Variants in NKAPD1 observed in about 807,000 individuals in gnomAD.
NKAPD1 encodes uncharacterized protein NKAPD1.
In NKAPD1, 12 loss-of-function variants were observed where a neutral mutation model predicts 30.9. That is an observed-to-expected ratio of 0.39 (90% CI 0.25 to 0.63). NKAPD1 has a LOEUF of 0.63. Ranked by LOEUF, NKAPD1 falls within the 20% of genes least tolerant of loss-of-function variation. The pLI is 0.51. For missense variants in NKAPD1, 311 were observed against 344.5 expected, an observed-to-expected ratio of 0.90 and a Z score of 0.77; for synonymous variants, 91 against 113.6, an observed-to-expected ratio of 0.80 and a Z score of 1.26.
rs1865538185 is a variant in NKAPD1, at chr11:112,084,669, TTAAGCA to T, written c.*1698_*1703del. 6.6e-6 allele frequency: 1 copy of T among 152,636 alleles called. No homozygotes were observed. The highest frequency in any genetic ancestry group is 1.5e-5 in the Non-Finnish European group (1 of 68,048). The allele number at this position is 152,636 out of a possible 1,614,324, so 9.5% of individuals were successfully genotyped here. A position where few individuals can be genotyped will look rare whatever the true frequency, so the allele number is the denominator to read the frequency against. ...GTGCCCTGAAAGTACCTGAAAGGTT[TTAAGCA>T]CAGACTCAGGAAAATGTGCCAGTAG... On this transcript the variant is annotated 3_prime_UTR_variant, in exon 6 of 6. Transcript: ENST00000393047.
Position 112,078,294 on chromosome 11 carries a change from A to C in NKAPD1, c.149A>C (p.Lys50Thr). 1 of 1,612,322 alleles carries C rather than the reference A, an allele frequency of 6.2e-7. No individual in the cohort carries two copies. The change falls in exon 3 of 6, where the codon AAA becomes ACA. Residue 50 changes from lysine to threonine, a missense_variant. Coordinates refer to ENST00000393047, the MANE Select transcript of NKAPD1 (RefSeq NM_018195.4). ...MEDAYRGTKR[K>T]MLPSSSSRMR... ...GATGCTTACCGGGGGACCAAAAGGA[A>C]AATGCTACCCAGCAGTTCAAGGTGA...
chr11:112,079,965 A>G (rs1865410692), intron 3 of NKAPD1, among the ~76,000 whole-genome samples: 1 of 152,022 alleles, frequency 6.6e-6, no homozygotes, highest in African/African-American at 2.4e-5. Flanking sequence ...GGCGTGTGCC[A>G]CCACACCTAA....
Position 112,083,166 on chromosome 11 carries a change from G to T in NKAPD1, c.*194G>T. The T allele has an allele frequency of 9.8e-6, 5 of 510,722 alleles. No homozygotes were observed. The highest frequency in any genetic ancestry group is 6.3e-5 in the East Asian group (2 of 31,904). 31.6% of individuals were successfully genotyped at this position (510,722 alleles called of 1,614,324 possible). ...CCCTTTTCTTGTTAAAAGGGAATCT[G>T]GTATTTTGTTATGAAGGTTTCTTGA... On this transcript the variant is annotated 3_prime_UTR_variant, in exon 6 of 6. Coordinates refer to ENST00000393047, the MANE Select transcript of NKAPD1 (RefSeq NM_018195.4).
rs1865534628 is a variant in NKAPD1, at chr11:112,084,552, C to T, written c.*1580C>T. The T allele has an allele frequency of 6.6e-6, 1 of 152,604 alleles. No homozygotes were observed. Among genetic ancestry groups the T allele is most frequent in the African/African-American group, 2.4e-5 (1 of 41,430 alleles). The allele number at this position is 152,604 out of a possible 1,614,324, so 9.5% of individuals were successfully genotyped here. On this transcript the variant is annotated 3_prime_UTR_variant, in exon 6 of 6. Transcript: ENST00000393047. ...GAAGAATAGTCTCTAATTACTACCT[C>T]TTAACCTAAAGCAATTATTTTGTTC... is the stretch of plus-strand genomic sequence containing the variant.
At position 112,080,062 on chromosome 11, in the gene NKAPD1, G is replaced by T. The variant is rs371356458; in HGVS notation, c.171-347G>T. Among the ~76,000 whole-genome samples, 32 of 151,898 alleles carry T rather than the reference G, an allele frequency of 2.1e-4. No individual in the cohort carries two copies. The South Asian group carries it at 6.7e-3, about 32-fold the overall frequency. ...ACTCCTGACCCCAAGTGATCCACTC[G>T]CCCCGGCCTCCCAAAGTGCTGGGAT... On this transcript the variant is annotated intron_variant, in intron 3 of 5. Transcript: ENST00000393047.
intron 2 of NKAPD1, 51 bp downstream of exon 2, chr11:112,075,694 G>A (rs73568071): frequency 0.018 from 27,616 of 1,573,512 alleles, 1,274 homozygotes; most frequent in African/African-American, 0.17. Flanking sequence ...GGCAAGCAGT[G>A]TGCCAAGCAT....
intron 5 of NKAPD1, 25 bp downstream of exon 5, chr11:112,082,060 G>T: frequency 1.9e-6 from 3 of 1,563,192 alleles, no homozygotes; most frequent in Non-Finnish European, 1.8e-6. Context: ...CTTACTGAAA[G>T]AAACTAAGAT....
At chr11:112,079,471 T>G (rs1865398794) in intron 3 of NKAPD1, among the ~76,000 whole-genome samples, 1 of 152,120 alleles carries the variant, frequency 6.6e-6, no homozygotes, top group African/African-American at 2.4e-5. Context: ...GATAACCGAT[T>G]AGCAGCTTAC....
chr11:112,076,567 C>T (rs545125439), intron 2 of NKAPD1, among the ~76,000 whole-genome samples: 3 of 152,200 alleles, frequency 2.0e-5, no homozygotes, highest in South Asian at 2.1e-4. Context: ...AAAGCCATAG[C>T]GATACCATAA....
intron 1 of NKAPD1, among the ~76,000 whole-genome samples, chr11:112,075,247 A>G (rs1325923182): frequency 6.6e-6 from 1 of 152,220 alleles, no homozygotes; most frequent in Non-Finnish European, 1.5e-5. Context: ...AACTTCATCT[A>G]CAAAATAGGG....
At chr11:112,082,196 G>T in intron 5 of NKAPD1, 161 bp downstream of exon 5, 1 of 727,680 alleles carries the variant, frequency 1.4e-6, no homozygotes, top group East Asian at 2.7e-5. Context: ...CCCATTCTCT[G>T]GTTGATGTTT....
Position 112,082,152 on chromosome 11 carries a change from A to G in NKAPD1, c.374+117A>G, listed in dbSNP as rs1865467012. The G allele has an allele frequency of 9.1e-6, 8 of 883,246 alleles. No homozygotes were observed. The East Asian group carries it at 1.8e-4, about 20-fold the overall frequency. The allele number at this position is 883,246 out of a possible 1,614,324, so 54.7% of individuals were successfully genotyped here. On this transcript the variant is annotated intron_variant, in intron 5 of 5. Transcript: ENST00000393047. Reference sequence around the variant, plus strand: ...CATCAAAAATGTAGCTAGAGAAACAATAGGTGATTTAGTTAGGAGGTGATC... The same window carrying G: ...CATCAAAAATGTAGCTAGAGAAACAGTAGGTGATTTAGTTAGGAGGTGATC...
At chr11:112,077,279 A>G (rs1865349330) in intron 2 of NKAPD1, among the ~76,000 whole-genome samples, 1 of 152,244 alleles carries the variant, frequency 6.6e-6, no homozygotes, top group Non-Finnish European at 1.5e-5. Flanking sequence ...AAAAAGATAA[A>G]TCTAGCACAG....
chr11:112,083,159 G>T lies in NKAPD1; in HGVS notation c.*187G>T. On this transcript the variant is annotated 3_prime_UTR_variant, in exon 6 of 6. Transcript: ENST00000393047. ...CTTGATCCCCTTTTCTTGTTAAAAGGGAATCTGGTATTTTGTTATGAAGGT... is the reference window on the plus strand; with the variant it reads ...CTTGATCCCCTTTTCTTGTTAAAAGTGAATCTGGTATTTTGTTATGAAGGT... 1 of 534,366 alleles carries T rather than the reference G, an allele frequency of 1.9e-6. No homozygotes were observed. The highest frequency in any genetic ancestry group is 3.1e-6 in the Non-Finnish European group (1 of 325,262). 33.1% of individuals were successfully genotyped at this position (534,366 alleles called of 1,614,324 possible). A position where few individuals can be genotyped will look rare whatever the true frequency, so the allele number is the denominator to read the frequency against.
intron 1 of NKAPD1, among the ~76,000 whole-genome samples, 151 bp downstream of exon 1, chr11:112,075,067 G>C (rs1156667514): frequency 6.6e-6 from 1 of 152,176 alleles, no homozygotes; most frequent in Non-Finnish European, 1.5e-5. Context: ...TTGATGTTTT[G>C]AGTAATCAGT....
In NKAPD1 at chr11:112,082,850, A is replaced by G. The variant is rs755559874; in HGVS notation, c.760A>G (p.Lys254Glu). 5.6e-6 allele frequency: 9 copies of G among 1,613,868 alleles called. No individual in the cohort carries two copies. The East Asian group carries it at 2.0e-4, about 36-fold the overall frequency. Residue 254 changes from lysine to glutamate, a missense_variant, in exon 6 of 6, where the codon AAG (lysine) becomes GAG (glutamate). Physicochemically the swap from Lys to Glu is moderately conservative, Grantham distance 56 (BLOSUM62 1). Coordinates refer to ENST00000393047, the MANE Select transcript of NKAPD1 (RefSeq NM_018195.4). ...ERDTKKTKRKKREKKAHTSVA... is the reference protein window; with the variant it reads ...ERDTKKTKRKEREKKAHTSVA... The stretch of plus-strand genomic sequence containing the variant: ...AGACACTAAGAAAACCAAAAGGAAA[A>G]AGAGAGAGAAAAAAGCCCATACCTC...
Position 112,080,404 on chromosome 11 carries a change from T to C in NKAPD1, c.171-5T>C. Reference sequence around the variant, plus strand: ...ATCTAAAAGTTCTTCTGCTTTCTCTTTTAGCCGGATGCGCAGTGATGGTTT... The same window carrying C: ...ATCTAAAAGTTCTTCTGCTTTCTCTCTTAGCCGGATGCGCAGTGATGGTTT... On this transcript the variant is annotated splice_polypyrimidine_tract_variant and splice_region_variant and intron_variant, in intron 3 of 5. Transcript: ENST00000393047. The C allele has an allele frequency of 6.2e-7, 1 of 1,613,188 alleles. No homozygotes were observed. Among genetic ancestry groups the C allele is most frequent in the Non-Finnish European group, 8.5e-7 (1 of 1,179,882 alleles).
chr11:112,082,387 T>A (rs1865472039), intron 5 of NKAPD1, 78 bp from the exon 6 acceptor site: 1 of 1,263,366 alleles, frequency 7.9e-7, no homozygotes, highest in African/African-American at 1.5e-5. Context: ...CTCAATTTTT[T>A]AATCTAGAAT....
intron 4 of NKAPD1, chr11:112,081,331 AAAAG>A (rs1478694620): frequency 6.6e-6 from 1 of 151,150 alleles, no homozygotes; most frequent in Admixed American, 6.6e-5. Context: ...TCTCAAGAAA[AAAAG>A]AAAAAAATAA....
Sources: allele counts gnomAD v4.1 joint callset (sites outside exome capture counted in the v4.1 genomes callset), GRCh38; gene constraint gnomAD v4.1.1; transcripts MANE v1.5; gene names NCBI Gene and HGNC (gene_info 2026-07-23, HGNC 2026-07-21).